The following SGMS2 variants were observed in gnomAD, a reference collection of about 807,000 sequenced individuals.
SGMS2 encodes phosphatidylcholine:ceramide cholinephosphotransferase 2.
In SGMS2, 21 loss-of-function variants were observed where a neutral mutation model predicts 43.8. The observed-to-expected ratio is 0.48, with a 90% CI of 0.34 to 0.69. The LOEUF (loss-of-function observed/expected upper bound fraction) is 0.69, where lower values mean the gene tolerates loss of function less well. Ranked by LOEUF, SGMS2 falls within the 30% of genes least tolerant of loss-of-function variation. The pLI is 0.01. For missense variants in SGMS2, 384 were observed against 443.2 expected (o/e 0.87, Z 1.20); for synonymous variants, 167 against 160.6 (o/e 1.04, Z -0.30).
chr4:107,881,539 G>A (rs1338656357), intron 2 of SGMS2, among the ~76,000 whole-genome samples: 2 of 152,034 alleles, frequency 1.3e-5, no homozygotes. Context: ...CAGGCATACA[G>A]TGTGTAATAA....
chr4:107,843,567 G>A (rs536871818), intron 1 of SGMS2, among the ~76,000 whole-genome samples: 3 of 152,276 alleles, frequency 2.0e-5, no homozygotes, highest in Non-Finnish European at 2.9e-5. Context: ...GAGCTCTGAG[G>A]CCTGGAGTGC....
Position 107,826,886 on chromosome 4 carries a change from C to T in SGMS2, c.-327+1633C>T, listed in dbSNP as rs73838232. On this transcript the variant is annotated intron_variant, in intron 1 of 6. Transcript: ENST00000690982. ...TTTGCTCTTACCATAACTATAACAA[C>T]TTACAGGGTGAAAGATCTGGGAGCT... 4.1e-3 allele frequency among the ~76,000 whole-genome samples: 617 copies of T among 152,324 alleles called. 4 individuals are homozygous for T. Among genetic ancestry groups the T allele is most frequent in the African/African-American group, 0.014 (591 of 41,568 alleles).
chr4:107,881,956 A>G (rs1013131027), intron 2 of SGMS2, among the ~76,000 whole-genome samples: 2 of 152,108 alleles, frequency 1.3e-5, no homozygotes, highest in Non-Finnish European at 2.9e-5. Flanking sequence ...ATTCTTTTTT[A>G]TGGCTGAATA....
chr4:107,891,802 G>A (rs1458790878), intron 2 of SGMS2, among the ~76,000 whole-genome samples: 1 of 151,978 alleles, frequency 6.6e-6, no homozygotes, highest in Non-Finnish European at 1.5e-5. Context: ...TTATGCAAAT[G>A]GATTATCTTC....
intron 2 of SGMS2, among the ~76,000 whole-genome samples, chr4:107,861,817 A>G (rs1493130): frequency 0.13 from 19,700 of 152,240 alleles, 1,767 homozygotes; most frequent in African/African-American, 0.24. Context: ...TAGTTCTTAC[A>G]AATATCAGGA....
chr4:107,836,317 T>G (rs1038734825), intron 1 of SGMS2, among the ~76,000 whole-genome samples: 1 of 152,176 alleles, frequency 6.6e-6, no homozygotes, highest in Non-Finnish European at 1.5e-5. Flanking sequence ...CCAATGACTT[T>G]GGCATATTGT....
intron 1 of SGMS2, among the ~76,000 whole-genome samples, chr4:107,828,906 A>T (rs1725741159): frequency 2.0e-5 from 3 of 152,256 alleles, no homozygotes. Flanking sequence ...AAACGGGAAC[A>T]TACAAACTTT....
At chr4:107,855,053 A>G (rs1474170483) in intron 1 of SGMS2, among the ~76,000 whole-genome samples, 1 of 152,178 alleles carries the variant, frequency 6.6e-6, no homozygotes, top group Non-Finnish European at 1.5e-5. Context: ...AGAGCCAAAT[A>G]TGCAGTACAG....
chr4:107,902,342 T>A (rs1167395427), intron 4 of SGMS2, among the ~76,000 whole-genome samples: 1 of 150,590 alleles, frequency 6.6e-6, no homozygotes, highest in Non-Finnish European at 1.5e-5. Context: ...TATTACATGA[T>A]TTTTTTTTCT....
chr4:107,863,751 GATATA>G (rs1446937294), intron 2 of SGMS2: 7 of 152,014 alleles, frequency 4.6e-5, no homozygotes, highest in African/African-American at 1.7e-4. Flanking sequence ...TTTTATATAA[GATATA>G]ATAAAAATGC....
chr4:107,857,500 G>T (rs527421935), intron 1 of SGMS2, among the ~76,000 whole-genome samples: 1 of 150,582 alleles, frequency 6.6e-6, no homozygotes, highest in East Asian at 2.0e-4. Flanking sequence ...TTGTTAAACA[G>T]ATTTTAATGA....
intron 2 of SGMS2, chr4:107,863,406 T>C (rs1312357466): frequency 6.6e-6 from 1 of 152,182 alleles, no homozygotes; most frequent in African/African-American, 2.4e-5. Context: ...TTGCTCGCCA[T>C]GCTCTAGACA....
chr4:107,851,335 G>A (rs1474777028), intron 1 of SGMS2, among the ~76,000 whole-genome samples: 6 of 152,114 alleles, frequency 3.9e-5, no homozygotes, highest in Admixed American at 2.6e-4. Context: ...GCTAGAGTAA[G>A]CAACCTCTTA....
intron 1 of SGMS2, among the ~76,000 whole-genome samples, chr4:107,854,289 C>T (rs567821985): frequency 2.6e-5 from 4 of 152,258 alleles, no homozygotes; most frequent in East Asian, 1.9e-4. Context: ...AGGTTTGCAC[C>T]GTATAACTAG....
At chr4:107,841,137 C>G (rs576413333) in intron 1 of SGMS2, among the ~76,000 whole-genome samples, 2 of 152,194 alleles carry the variant, frequency 1.3e-5, no homozygotes, top group South Asian at 4.2e-4. Context: ...GTAAAAGGCC[C>G]CTTTTAGGAA....
chr4:107,893,246 T>G (rs960274070), intron 2 of SGMS2: 12 of 152,174 alleles, frequency 7.9e-5, no homozygotes, highest in Non-Finnish European at 1.3e-4. Flanking sequence ...GTAGCTACCT[T>G]ATAAAGACCA....
intron 4 of SGMS2, among the ~76,000 whole-genome samples, chr4:107,901,714 A>G (rs1731122241): frequency 6.6e-6 from 1 of 152,156 alleles, no homozygotes; most frequent in African/African-American, 2.4e-5. Flanking sequence ...GTGTTCTTCA[A>G]AGTGTGTTTA....
chr4:107,857,041 C>G (rs895354020), intron 1 of SGMS2, among the ~76,000 whole-genome samples: 5 of 152,160 alleles, frequency 3.3e-5, no homozygotes, highest in Admixed American at 3.3e-4. Flanking sequence ...CTTCCCCTAG[C>G]CCTTGGCAAC....
At chr4:107,904,338 C>T (rs919023784) in intron 5 of SGMS2, among the ~76,000 whole-genome samples, 4 of 152,134 alleles carry the variant, frequency 2.6e-5, no homozygotes, top group African/African-American at 9.7e-5. Context: ...GCAGCTTCCC[C>T]TCCCCTGTCC....
Sources: gnomAD v4.1 joint callset for allele counts (sites outside exome capture counted in the v4.1 genomes callset) on GRCh38, gnomAD v4.1.1 for gene constraint, MANE v1.5 for transcripts, NCBI Gene and HGNC (gene_info 2026-07-23, HGNC 2026-07-21) for gene names.